Variants in DPP10 observed in about 807,000 individuals in gnomAD.
DPP10 encodes the protein inactive dipeptidyl peptidase 10.
Under a neutral mutation model 120.9 loss-of-function variants are expected in DPP10, and 33 were observed. That is an observed-to-expected ratio of 0.27 (90% CI 0.21 to 0.37). DPP10 has a LOEUF of 0.37. DPP10 is among the 10% of genes least tolerant of loss of function. DPP10 has a pLI of 1.00. For missense variants in DPP10, 816 were observed against 942.8 expected, an observed-to-expected ratio of 0.87 and a Z score of 1.76; for synonymous variants, 337 against 326.1, an observed-to-expected ratio of 1.03 and a Z score of -0.36.
intron 3 of DPP10, among the ~76,000 whole-genome samples, chr2:115,390,372 C>T (rs1354896073): frequency 6.6e-6 from 1 of 152,122 alleles, no homozygotes; most frequent in East Asian, 1.9e-4. Flanking sequence ...TTCTGCCAAA[C>T]GAGAGATGGC....
intron 1 of DPP10, among the ~76,000 whole-genome samples, chr2:115,205,338 T>C (rs556212879): frequency 6.6e-6 from 1 of 152,332 alleles, no homozygotes; most frequent in African/African-American, 2.4e-5. Flanking sequence ...GGATCATTTA[T>C]TGAGAAGGGA....
intron 1 of DPP10, among the ~76,000 whole-genome samples, chr2:114,570,213 G>T (rs2105007469): frequency 6.6e-6 from 1 of 152,206 alleles, no homozygotes; most frequent in Middle Eastern, 3.4e-3. Context: ...GACCAGGTTT[G>T]TCACCAAAGA....
intron 1 of DPP10, among the ~76,000 whole-genome samples, chr2:114,934,680 G>A (rs1175733575): frequency 2.0e-5 from 3 of 151,814 alleles, no homozygotes; most frequent in East Asian, 1.9e-4. Context: ...AGGGCAACCC[G>A]CTCTCCAGGA....
chr2:114,764,473 A>G (rs1229420749), intron 1 of DPP10, among the ~76,000 whole-genome samples: 2 of 151,972 alleles, frequency 1.3e-5, no homozygotes, highest in Non-Finnish European at 2.9e-5. Flanking sequence ...TATAGCATCA[A>G]ATTTCCTCAA....
chr2:115,186,522 A>G (rs1213845833), intron 1 of DPP10, among the ~76,000 whole-genome samples: 1 of 152,166 alleles, frequency 6.6e-6, no homozygotes, highest in Non-Finnish European at 1.5e-5. Context: ...AGGTGAGTCA[A>G]AGAAGTCTTC....
At chr2:115,085,073 C>T (rs576146879) in intron 1 of DPP10, among the ~76,000 whole-genome samples, 2 of 152,262 alleles carry the variant, frequency 1.3e-5, no homozygotes, top group African/African-American at 2.4e-5. Context: ...TGCCAAGTGC[C>T]CCCTGGCTTA....
At position 114,965,978 on chromosome 2, in the gene DPP10, A is replaced by G. The variant is rs1189179003; in HGVS notation, c.61-343261A>G. 2.7e-5 allele frequency among the ~76,000 whole-genome samples: 4 copies of G among 148,982 alleles called. No homozygotes were observed. In the East Asian group the frequency reaches 5.9e-4, roughly 22 times the overall value. On this transcript the variant is annotated intron_variant, in intron 1 of 25. Transcript: ENST00000410059. ...AGACTCCTTCTCAAAAAAAAAAAAA[A>G]AAAAAAAAAGAAAAAAAAAGAAAAA... is the stretch of plus-strand genomic sequence containing the variant.
chr2:115,239,576 A>C (rs2058168568), intron 1 of DPP10, among the ~76,000 whole-genome samples: 1 of 152,152 alleles, frequency 6.6e-6, no homozygotes, highest in African/African-American at 2.4e-5. Context: ...GCTGTTGCAC[A>C]CTAGTAGACC....
At chr2:115,565,211 T>C (rs2080925753) in intron 5 of DPP10, among the ~76,000 whole-genome samples, 1 of 152,210 alleles carries the variant, frequency 6.6e-6, no homozygotes, top group African/African-American at 2.4e-5. Context: ...TTTGAAACTG[T>C]TGAATTTGAA....
chr2:115,293,952 C>T (rs571124447), intron 1 of DPP10, among the ~76,000 whole-genome samples: 36 of 152,066 alleles, frequency 2.4e-4, no homozygotes, highest in Non-Finnish European at 3.8e-4. Flanking sequence ...AAACAATGAG[C>T]GATTTTCTAA....
At chr2:115,592,576 A>G (rs1363447362) in intron 5 of DPP10, among the ~76,000 whole-genome samples, 4 of 5,726 alleles carry the variant, frequency 7.0e-4, no homozygotes, top group Non-Finnish European at 4.8e-3. Flanking sequence ...CTGCTAAAAA[A>G]AAACAAAAAA....
rs376301683 is a variant in DPP10 at position 115,690,688 on chromosome 2, A to G, written c.576+767A>G. On this transcript the variant is annotated intron_variant, in intron 7 of 25. Coordinates refer to ENST00000410059, the MANE Select transcript of DPP10 (RefSeq NM_020868.6). ...TAGGCCTACCCAAAGTGATGGGATT[A>G]CAGACATGAGCCAGTGAGCCCCGCC... Among the ~76,000 whole-genome samples the G allele has an allele frequency of 3.6e-4, 55 of 152,306 alleles. 1 individual carries two copies. In the East Asian group the frequency reaches 7.3e-3, roughly 20 times the overall value.
At chr2:114,888,006 G>A (rs1484662974) in intron 1 of DPP10, among the ~76,000 whole-genome samples, 5 of 152,040 alleles carry the variant, frequency 3.3e-5, no homozygotes, top group African/African-American at 1.2e-4. Context: ...AGCTGGGCGT[G>A]GTGGTGGGCG....
intron 3 of DPP10, among the ~76,000 whole-genome samples, chr2:115,467,861 A>G (rs1397376383): frequency 3.3e-5 from 5 of 152,212 alleles, no homozygotes; most frequent in African/African-American, 1.2e-4. Context: ...ACAAACAAAG[A>G]TAGCAGAATC....
chr2:115,576,455 A>G (rs904491956), intron 5 of DPP10, among the ~76,000 whole-genome samples: 2 of 152,230 alleles, frequency 1.3e-5, no homozygotes, highest in African/African-American at 4.8e-5. Context: ...CGCTAAGCAC[A>G]GAGTTGCTAG....
At chr2:115,223,568 G>T (rs1333890893) in intron 1 of DPP10, among the ~76,000 whole-genome samples, 1 of 152,134 alleles carries the variant, frequency 6.6e-6, no homozygotes, top group Non-Finnish European at 1.5e-5. Flanking sequence ...TCAGGATAAT[G>T]TGAGTGTAAG....
At chr2:115,706,818 CTG>C (rs771496578) in intron 7 of DPP10, among the ~76,000 whole-genome samples, 12 of 151,914 alleles carry the variant, frequency 7.9e-5, no homozygotes, top group Non-Finnish European at 1.3e-4. Context: ...TAGTGATTTA[CTG>C]TGTTTTATTA....
At chr2:115,591,799 C>T (rs1297508066) in intron 5 of DPP10, among the ~76,000 whole-genome samples, 1 of 152,130 alleles carries the variant, frequency 6.6e-6, no homozygotes, top group African/African-American at 2.4e-5. Flanking sequence ...ATAGAACATT[C>T]TTCCATTTGT....
intron 5 of DPP10, among the ~76,000 whole-genome samples, chr2:115,646,355 G>A (rs1441176928): frequency 6.6e-6 from 1 of 152,048 alleles, no homozygotes; most frequent in Non-Finnish European, 1.5e-5. Context: ...CACTGTGAAT[G>A]GGAACACAGC....
Sources: allele counts gnomAD v4.1 joint callset (sites outside exome capture counted in the v4.1 genomes callset), GRCh38; gene constraint gnomAD v4.1.1; transcripts MANE v1.5; gene names NCBI Gene and HGNC (gene_info 2026-07-23, HGNC 2026-07-21).